CD2AP: variants seen among roughly 807,000 people sequenced by gnomAD.
CD2AP encodes CD2 associated protein.
Under a neutral mutation model 85.1 loss-of-function variants are expected in CD2AP, and 46 were observed. That is an observed-to-expected ratio of 0.54 (90% CI 0.43 to 0.69). The LOEUF (loss-of-function observed/expected upper bound fraction) is 0.69, where lower values mean the gene tolerates loss of function less well. Ranked by LOEUF, CD2AP falls within the 30% of genes least tolerant of loss-of-function variation. The pLI, the probability that CD2AP is intolerant of heterozygous loss-of-function variation, is 0.00. For missense variants in CD2AP, 769 were observed against 729.5 expected (o/e 1.05, Z -0.62); for synonymous variants, 255 against 252.9 (o/e 1.01, Z -0.08).
intron 9 of CD2AP, among the ~76,000 whole-genome samples, chr6:47,580,508 C>A (rs1768446497): frequency 6.6e-6 from 1 of 151,850 alleles, no homozygotes; most frequent in South Asian, 2.1e-4. Context: ...CAGTCTTCCT[C>A]TCCCCACAAC....
At chr6:47,587,314 G>A (rs192496602) in intron 11 of CD2AP, among the ~76,000 whole-genome samples, 2 of 152,116 alleles carry the variant, frequency 1.3e-5, no homozygotes, top group South Asian at 2.1e-4. Context: ...GATGTGGGGC[G>A]CAGAAAAGAG....
chr6:47,564,150 A>G (rs929510717), intron 5 of CD2AP, among the ~76,000 whole-genome samples: 1 of 152,170 alleles, frequency 6.6e-6, no homozygotes, highest in African/African-American at 2.4e-5. Flanking sequence ...ATTAGAGAAC[A>G]TACATAAGTA....
At chr6:47,483,299 T>C (rs146936690) in intron 1 of CD2AP, among the ~76,000 whole-genome samples, 2 of 152,292 alleles carry the variant, frequency 1.3e-5, no homozygotes, top group Admixed American at 6.5e-5. Context: ...AGTCAGCTTG[T>C]CAGCATCAGG....
chr6:47,564,849 C>T lies in CD2AP; in HGVS notation c.542-9215C>T, dbSNP rs151212342. Among the ~76,000 whole-genome samples, 864 of 86,668 alleles carry T rather than the reference C, an allele frequency of 1.0e-2. 4 individuals carry two copies. The highest frequency in any genetic ancestry group is 0.017 in the Admixed American group (116 of 6,874). 56.9% of individuals were successfully genotyped at this position (86,668 alleles called of 152,430 possible). On this transcript the variant is annotated intron_variant, in intron 5 of 17. Coordinates refer to ENST00000359314, the MANE Select transcript of CD2AP (RefSeq NM_012120.3). ...GTTAGAAAAATTATAGTAGAATGTA[C>T]ATTATATAAGTGTTTTCTTTTTTGC... is the stretch of plus-strand genomic sequence containing the variant.
intron 1 of CD2AP, among the ~76,000 whole-genome samples, chr6:47,487,067 G>T (rs1257084786): frequency 6.6e-6 from 1 of 152,126 alleles, no homozygotes; most frequent in African/African-American, 2.4e-5. Flanking sequence ...GTAGCAGGTT[G>T]CAGTCTGATG....
chr6:47,580,272 A>G (rs868023000), intron 9 of CD2AP, among the ~76,000 whole-genome samples: 3 of 152,168 alleles, frequency 2.0e-5, no homozygotes, highest in African/African-American at 7.2e-5. Flanking sequence ...TTAATTTGTA[A>G]AAACCAAGTC....
intron 11 of CD2AP, among the ~76,000 whole-genome samples, chr6:47,583,810 G>A (rs1252764981): frequency 6.6e-6 from 1 of 152,180 alleles, no homozygotes; most frequent in Non-Finnish European, 1.5e-5. Flanking sequence ...TATGGCAAGA[G>A]TATATTGAGT....
At chr6:47,486,455 G>A (rs1202830733) in intron 1 of CD2AP, among the ~76,000 whole-genome samples, 2 of 152,154 alleles carry the variant, frequency 1.3e-5, no homozygotes, top group African/African-American at 4.8e-5. Flanking sequence ...GTCAGTGTCA[G>A]AAATGTTAAA....
In CD2AP at chr6:47,537,100, C is replaced by T. The variant is rs144961289; in HGVS notation, c.319+3345C>T. ...TACATTGAGATTGATACTGATAGAT[C>T]ACTAGTGTTTATACTGCAAGGGATG... On this transcript the variant is annotated intron_variant, in intron 3 of 17. Coordinates refer to ENST00000359314, the MANE Select transcript of CD2AP (RefSeq NM_012120.3). Among the ~76,000 whole-genome samples the T allele has an allele frequency of 1.6e-4, 25 of 152,288 alleles. No homozygotes were observed. In the East Asian group the frequency reaches 4.6e-3, roughly 28 times the overall value.
At chr6:47,499,739 T>C (rs191894051) in intron 1 of CD2AP, among the ~76,000 whole-genome samples, 128 of 152,108 alleles carry the variant, frequency 8.4e-4, no homozygotes, top group African/African-American at 2.9e-3. Context: ...AGAGTTTTGT[T>C]GTTGTTGTTG....
chr6:47,483,085 G>T (rs1765485114), intron 1 of CD2AP, among the ~76,000 whole-genome samples: 1 of 152,150 alleles, frequency 6.6e-6, no homozygotes. Flanking sequence ...AGATGTGATT[G>T]AAATTTAGGT....
intron 1 of CD2AP, among the ~76,000 whole-genome samples, chr6:47,499,307 ATGTG>A (rs34508069): frequency 1.3e-5 from 2 of 150,346 alleles, no homozygotes; most frequent in African/African-American, 2.4e-5. Context: ...GTGTATGTGC[ATGTG>A]TGTGTGTGTG....
chr6:47,498,836 A>G (rs934296507), intron 1 of CD2AP, among the ~76,000 whole-genome samples: 2 of 152,066 alleles, frequency 1.3e-5, no homozygotes, highest in African/African-American at 4.8e-5. Flanking sequence ...AGTACAAATC[A>G]TTTTTTTCCT....
chr6:47,502,542 G>A (rs1766023375), intron 1 of CD2AP, among the ~76,000 whole-genome samples: 1 of 145,598 alleles, frequency 6.9e-6, no homozygotes, highest in Admixed American at 7.1e-5. Context: ...TTGCCAGCCT[G>A]GAGTGCAGTA....
intron 5 of CD2AP, among the ~76,000 whole-genome samples, chr6:47,559,508 C>T (rs866730441): frequency 4.6e-5 from 7 of 151,874 alleles, no homozygotes; most frequent in Non-Finnish European, 1.0e-4. Context: ...GCAGTTGAAG[C>T]CTCCCAAAGT....
chr6:47,563,752 A>G (rs926782136), intron 5 of CD2AP, among the ~76,000 whole-genome samples: 1 of 152,198 alleles, frequency 6.6e-6, no homozygotes, highest in Non-Finnish European at 1.5e-5. Flanking sequence ...TAATGAAAAA[A>G]GCGTGAGCTC....
Position 47,626,365 on chromosome 6 carries a change from G to A in CD2AP, c.*2138G>A, listed in dbSNP as rs946570959. ...TATTCTAGCAACTTACTTTCTGTTGGTATGGGAAATGTTATTAATTTCTAT... is the reference window on the plus strand; with the variant it reads ...TATTCTAGCAACTTACTTTCTGTTGATATGGGAAATGTTATTAATTTCTAT... On this transcript the variant is annotated 3_prime_UTR_variant, in exon 18 of 18. Transcript: ENST00000359314. The A allele has an allele frequency of 6.6e-6, 1 of 152,232 alleles. No homozygotes were observed. The highest frequency in any genetic ancestry group is 1.5e-5 in the Non-Finnish European group (1 of 67,854). 9.4% of individuals were successfully genotyped at this position (152,232 alleles called of 1,614,324 possible). A position where few individuals can be genotyped will look rare whatever the true frequency, so the allele number is the denominator to read the frequency against.
intron 11 of CD2AP, among the ~76,000 whole-genome samples, chr6:47,590,025 A>G (rs1768748898): frequency 6.6e-6 from 1 of 152,130 alleles, no homozygotes; most frequent in South Asian, 2.1e-4. Context: ...AGAGAAGAAG[A>G]CATCATCTAG....
chr6:47,589,565 C>CACATAT (rs139814970), intron 11 of CD2AP, among the ~76,000 whole-genome samples: 2 of 120,938 alleles, frequency 1.7e-5, no homozygotes, highest in Admixed American at 8.2e-5. Context: ...CACACACACA[C>CACATAT]ATATATATAT....
Sources: gnomAD v4.1 joint callset for allele counts (sites outside exome capture counted in the v4.1 genomes callset) on GRCh38, gnomAD v4.1.1 for gene constraint, MANE v1.5 for transcripts, NCBI Gene and HGNC (gene_info 2026-07-23, HGNC 2026-07-21) for gene names.